The following RNF150 variants were observed in gnomAD, a reference collection of about 807,000 sequenced individuals.
The protein encoded by RNF150 is ring finger protein 150.
In RNF150, 24 loss-of-function variants were observed where a neutral mutation model predicts 39.3. The ratio of observed to expected loss-of-function variants is 0.61; its 90% CI spans 0.44 to 0.86. The LOEUF is 0.86. RNF150 is among the 40% of genes least tolerant of loss of function. The pLI, the probability that RNF150 is intolerant of heterozygous loss-of-function variation, is 0.00. For synonymous variants in RNF150, 255 were observed against 227.3 expected, an observed-to-expected ratio of 1.12 and a Z score of -1.10; for missense variants, 502 against 587.8, an observed-to-expected ratio of 0.85 and a Z score of 1.51.
intron 6 of RNF150, among the ~76,000 whole-genome samples, chr4:140,898,178 C>G (rs1466675914): frequency 6.6e-6 from 1 of 152,040 alleles, no homozygotes; most frequent in African/African-American, 2.4e-5. Context: ...TAGGGATATA[C>G]TATTCCTAAA....
Position 141,133,408 on chromosome 4 carries a change from T to G in RNF150, c.-600A>C, listed in dbSNP as rs1400581365. On this transcript the variant is annotated 5_prime_UTR_variant, in exon 1 of 7. Transcript: ENST00000515673. ...CGCACTTGCCGCGGGCGGGGCGGGC[T>G]TGGGGACAGTGGGAGCGAGCAGGCA... 5.8e-6 allele frequency: 1 copy of G among 172,418 alleles called. No individual in the cohort carries two copies. Among genetic ancestry groups the G allele is most frequent in the Non-Finnish European group, 1.2e-5 (1 of 83,658 alleles). 10.7% of individuals were successfully genotyped at this position (172,418 alleles called of 1,614,324 possible).
At chr4:141,208,985 G>C (rs1221204271) in intron 1 of RNF150, among the ~76,000 whole-genome samples, 1 of 152,136 alleles carries the variant, frequency 6.6e-6, no homozygotes, top group Non-Finnish European at 1.5e-5. Flanking sequence ...AGTCAAGGAA[G>C]AGTAAGTTTG....
intron 3 of RNF150, among the ~76,000 whole-genome samples, chr4:140,948,986 C>T (rs565461966): frequency 1.3e-5 from 2 of 152,332 alleles, no homozygotes; most frequent in East Asian, 3.9e-4. Flanking sequence ...AAAGCCCCAA[C>T]TTAAATTTGA....
intron 1 of RNF150, among the ~76,000 whole-genome samples, chr4:141,071,548 TG>T (rs1434190939): frequency 6.6e-6 from 1 of 151,982 alleles, no homozygotes; most frequent in Non-Finnish European, 1.5e-5. Flanking sequence ...AATTTGTTGC[TG>T]GAAAAAACGT....
chr4:141,048,576 T>C (rs888077606), intron 1 of RNF150, among the ~76,000 whole-genome samples: 3 of 151,730 alleles, frequency 2.0e-5, no homozygotes, highest in African/African-American at 7.3e-5. Context: ...AGAGAAAAAA[T>C]TTAAAAATTA....
At position 141,036,454 on chromosome 4, in the gene RNF150, C is replaced by T. The variant is rs549693254; in HGVS notation, c.485-68581G>A. Among the ~76,000 whole-genome samples, 10 of 152,282 alleles carry T rather than the reference C, an allele frequency of 6.6e-5. No individual in the cohort carries two copies. The South Asian group carries it at 1.9e-3, about 28-fold the overall frequency. On this transcript the variant is annotated intron_variant, in intron 1 of 6. Transcript: ENST00000515673. The stretch of plus-strand genomic sequence containing the variant: ...AGTGTGCAGCATAGTAGTGCTAACT[C>T]TATACATCCTGTTGTGCAGTAGATC...
intron 4 of RNF150, among the ~76,000 whole-genome samples, chr4:140,943,690 C>T (rs1277905498): frequency 2.0e-5 from 3 of 152,194 alleles, no homozygotes; most frequent in African/African-American, 7.2e-5. Flanking sequence ...CATTTGTCTT[C>T]TCATCGCTGG....
chr4:141,047,035 A>G (rs367863887), intron 1 of RNF150, among the ~76,000 whole-genome samples: 42 of 152,278 alleles, frequency 2.8e-4, no homozygotes, highest in African/African-American at 9.9e-4. Context: ...ATTTAAATCT[A>G]TTATGACTCA....
At chr4:140,908,898 C>CT (rs1730490086) in intron 6 of RNF150, among the ~76,000 whole-genome samples, 1 of 152,118 alleles carries the variant, frequency 6.6e-6, no homozygotes, top group Admixed American at 6.5e-5. Flanking sequence ...GACGTATCTT[C>CT]TCTTGAAAAC....
intron 4 of RNF150, among the ~76,000 whole-genome samples, chr4:140,930,110 G>A (rs1438456928): frequency 2.6e-5 from 4 of 151,532 alleles, no homozygotes; most frequent in African/African-American, 4.9e-5. Context: ...GCAGTGAGCC[G>A]AGATCACACC....
intron 1 of RNF150, among the ~76,000 whole-genome samples, chr4:141,144,119 G>C (rs780640100): frequency 3.8e-5 from 5 of 132,246 alleles, no homozygotes; most frequent in Non-Finnish European, 6.3e-5. Context: ...AAGTTGCTGG[G>C]GGAAAAAAAA....
chr4:140,954,838 T>C (rs1050094181), intron 2 of RNF150, among the ~76,000 whole-genome samples: 7 of 152,216 alleles, frequency 4.6e-5, no homozygotes, highest in African/African-American at 1.7e-4. Flanking sequence ...GCAGTGAAAG[T>C]GATAAAAAAA....
At chr4:141,091,377 T>A (rs1186395560) in intron 1 of RNF150, among the ~76,000 whole-genome samples, 1 of 152,048 alleles carries the variant, frequency 6.6e-6, no homozygotes, top group Non-Finnish European at 1.5e-5. Flanking sequence ...TTCTTTACGT[T>A]AAAAAAAATC....
intron 4 of RNF150, among the ~76,000 whole-genome samples, chr4:140,938,087 C>T (rs568275011): frequency 6.6e-6 from 1 of 152,256 alleles, no homozygotes; most frequent in Admixed American, 6.5e-5. Flanking sequence ...ATCCTCATCA[C>T]ATTACAGCAT....
At chr4:141,112,913 T>A (rs548616500) in intron 1 of RNF150, among the ~76,000 whole-genome samples, 6 of 142,032 alleles carry the variant, frequency 4.2e-5, no homozygotes, top group Admixed American at 2.0e-4. Context: ...CTTGGAGGCT[T>A]TGTTCGTTCG....
At chr4:141,166,854 G>T (rs914183574) in intron 1 of RNF150, among the ~76,000 whole-genome samples, 1 of 152,092 alleles carries the variant, frequency 6.6e-6, no homozygotes, top group Non-Finnish European at 1.5e-5. Context: ...ATGGGCAAAA[G>T]CTGGATGCAT....
intron 1 of RNF150, among the ~76,000 whole-genome samples, chr4:141,167,940 A>T (rs890905634): frequency 2.0e-5 from 3 of 152,358 alleles, no homozygotes; most frequent in African/African-American, 7.2e-5. Flanking sequence ...AAAATTGACA[A>T]ATGGGATCTA....
intron 1 of RNF150, among the ~76,000 whole-genome samples, chr4:141,177,996 T>C (rs1017260296): frequency 6.6e-6 from 1 of 151,984 alleles, no homozygotes; most frequent in Non-Finnish European, 1.5e-5. Flanking sequence ...AACTCCAATA[T>C]TGTATCTCAA....
intron 1 of RNF150, among the ~76,000 whole-genome samples, chr4:140,971,504 C>G (rs1411196074): frequency 6.6e-6 from 1 of 152,172 alleles, no homozygotes; most frequent in African/African-American, 2.4e-5. Context: ...AGCCTACTAT[C>G]TATTTTCCTC....
Sources: allele counts gnomAD v4.1 joint callset (sites outside exome capture counted in the v4.1 genomes callset), GRCh38; gene constraint gnomAD v4.1.1; transcripts MANE v1.5; gene names NCBI Gene and HGNC (gene_info 2026-07-23, HGNC 2026-07-21).